The following BCAS3 variants were observed in gnomAD, a reference collection of about 807,000 sequenced individuals.
BCAS3 encodes the protein BCAS4/BCAS3 fusion.
In BCAS3, 53 loss-of-function variants were observed where a neutral mutation model predicts 116.1. The observed-to-expected ratio is 0.46, with a 90% CI of 0.37 to 0.57. The LOEUF (loss-of-function observed/expected upper bound fraction) is 0.57, where lower values mean the gene tolerates loss of function less well. Ranked by LOEUF, BCAS3 falls within the 20% of genes least tolerant of loss-of-function variation. The pLI is 0.00. For missense variants in BCAS3, 917 were observed against 1,165.4 expected (o/e 0.79, Z 3.10); for synonymous variants, 391 against 408.2 (o/e 0.96, Z 0.51).
In BCAS3 at chr17:60,882,159, T is replaced by A. The variant is rs560715327; in HGVS notation, c.661+7421T>A. Among the ~76,000 whole-genome samples the A allele has an allele frequency of 3.9e-5, 6 of 152,274 alleles. No individual in the cohort carries two copies. The South Asian group carries it at 1.2e-3, about 32-fold the overall frequency. On this transcript the variant is annotated intron_variant, in intron 9 of 23. Coordinates refer to ENST00000407086, the MANE Select transcript of BCAS3 (RefSeq NM_017679.5). Reference sequence around the variant, plus strand: ...TAACTGGTGTGAGATGGTATCTCATTGTGGTTTTAATTTGCATTTCTCTGA... The same window carrying A: ...TAACTGGTGTGAGATGGTATCTCATAGTGGTTTTAATTTGCATTTCTCTGA...
chr17:60,972,625 T>A (rs1043751458), intron 14 of BCAS3, among the ~76,000 whole-genome samples: 1 of 151,990 alleles, frequency 6.6e-6, no homozygotes, highest in Admixed American at 6.6e-5. Flanking sequence ...CTAATTTTTA[T>A]AAAAATTTTT....
chr17:61,022,269 A>G (rs967471068), intron 16 of BCAS3, among the ~76,000 whole-genome samples: 33 of 151,876 alleles, frequency 2.2e-4, no homozygotes, highest in African/African-American at 7.3e-4. Context: ...TTTGTTTTTG[A>G]TATGGAGTCT....
At chr17:61,044,465 A>AAAAAAAAAAAATATAT in intron 19 of BCAS3, among the ~76,000 whole-genome samples, 7 of 120,118 alleles carry the variant, frequency 5.8e-5, no homozygotes, top group African/African-American at 3.5e-4. Flanking sequence ...AAAAAAAAAA[A>AAAAAAAAAAAATATAT]ATATATATAT....
Position 61,242,614 on chromosome 17 carries a change from A to G in BCAS3, c.2426-125713A>G, listed in dbSNP as rs970530953. Among the ~76,000 whole-genome samples the G allele has an allele frequency of 3.9e-5, 6 of 152,204 alleles. No individual in the cohort carries two copies. In the South Asian group the frequency reaches 1.2e-3, roughly 32 times the overall value. On this transcript the variant is annotated intron_variant, in intron 22 of 23. Transcript: ENST00000407086. ...AAGCTATGGCAGAACCTGTGGTTAA[A>G]ATCTCATAAGATTCAAAGAGTCTGG...
rs565938312 is a variant in BCAS3, at chr17:61,288,452, A to G, written c.2426-79875A>G. On this transcript the variant is annotated intron_variant, in intron 22 of 23. Transcript: ENST00000407086. ...AGTACAAGGGCTTTGTCCCAGAGCC[A>G]TCTCTGCTATAGATTGTCCTAGCTT... 9.2e-5 allele frequency among the ~76,000 whole-genome samples: 14 copies of G among 152,320 alleles called. No homozygotes were observed. In the South Asian group the frequency reaches 2.7e-3, roughly 29 times the overall value.
intron 22 of BCAS3, among the ~76,000 whole-genome samples, chr17:61,216,884 C>T (rs1342816406): frequency 6.6e-6 from 1 of 151,912 alleles, no homozygotes; most frequent in African/African-American, 2.4e-5. Flanking sequence ...TTCAAATAGA[C>T]TATTAAAATG....
chr17:61,298,105 T>G (rs2053097877), intron 22 of BCAS3, among the ~76,000 whole-genome samples: 1 of 152,186 alleles, frequency 6.6e-6, no homozygotes, highest in Non-Finnish European at 1.5e-5. Flanking sequence ...AGAGTCACTT[T>G]CAGCATGATC....
intron 2 of BCAS3, among the ~76,000 whole-genome samples, chr17:60,679,767 G>A (rs1477810424): frequency 6.6e-6 from 1 of 152,178 alleles, no homozygotes; most frequent in East Asian, 1.9e-4. Context: ...AAATCCTGAA[G>A]AGCAGTGTTT....
At chr17:60,813,196 A>AC (rs2048997768) in intron 7 of BCAS3, among the ~76,000 whole-genome samples, 1 of 152,132 alleles carries the variant, frequency 6.6e-6, no homozygotes, top group Admixed American at 6.6e-5. Flanking sequence ...CTATACATAC[A>AC]CAGGCATATT....
At position 61,156,185 on chromosome 17, in the gene BCAS3, A is replaced by G. The variant is rs925275878; in HGVS notation, c.2425+71621A>G. Among the ~76,000 whole-genome samples the G allele has an allele frequency of 2.0e-5, 3 of 150,568 alleles. No homozygotes were observed. The highest frequency in any genetic ancestry group is 6.6e-5 in the Admixed American group (1 of 15,126). ...GCCAGACACATTAAAAAAAAAAAAA[A>G]GAAAAGTAAAATCTGAGTTGTTACT... On this transcript the variant is annotated intron_variant, in intron 22 of 23. Transcript: ENST00000407086. This position sits in a 1 kb window ranked among gnomAD's most constrained non-coding sequence, Gnocchi z 4.7.
At chr17:61,247,369 T>A (rs894605504) in intron 22 of BCAS3, among the ~76,000 whole-genome samples, 1 of 152,154 alleles carries the variant, frequency 6.6e-6, no homozygotes, top group Non-Finnish European at 1.5e-5. Context: ...AGGTCACTTA[T>A]CAAAAATATA....
rs1289064902 is a variant in BCAS3 at position 61,302,917 on chromosome 17, A to C, written c.2426-65410A>C. On this transcript the variant is annotated intron_variant, in intron 22 of 23. Transcript: ENST00000407086. The surrounding 1 kb of genome is among the most constrained non-coding windows in gnomAD (Gnocchi z 4.4). ...CGGGCTTTGAGAGAGAAGACCATCT[A>C]TCTCTAAGGTCCCTTCCAGTGCCAT... is the stretch of plus-strand genomic sequence containing the variant. Among the ~76,000 whole-genome samples, 20 of 152,156 alleles carry C rather than the reference A, an allele frequency of 1.3e-4. No homozygotes were observed. The highest frequency in any genetic ancestry group is 1.3e-3 in the Admixed American group (20 of 15,272).
At chr17:60,862,113 C>T (rs1484213212) in intron 7 of BCAS3, among the ~76,000 whole-genome samples, 1 of 152,056 alleles carries the variant, frequency 6.6e-6, no homozygotes, top group Admixed American at 6.5e-5. Flanking sequence ...GAAACCTCGT[C>T]TCTACTAAAA....
At chr17:61,311,984 C>G (rs1699582529) in intron 22 of BCAS3, among the ~76,000 whole-genome samples, 4 of 152,194 alleles carry the variant, frequency 2.6e-5, no homozygotes, top group Non-Finnish European at 5.9e-5. Context: ...GTAAGTAGGT[C>G]ATGCCACATC....
At chr17:61,280,764 T>C (rs1302021969) in intron 22 of BCAS3, among the ~76,000 whole-genome samples, 1 of 152,118 alleles carries the variant, frequency 6.6e-6, no homozygotes, top group Non-Finnish European at 1.5e-5. Context: ...GATTAGTGCT[T>C]AAAGTGGGCA....
rs187736996 is a variant in BCAS3, at chr17:61,198,093, A to T, written c.2425+113529A>T. On this transcript the variant is annotated intron_variant, in intron 22 of 23. Coordinates refer to ENST00000407086, the MANE Select transcript of BCAS3 (RefSeq NM_017679.5). This position sits in a 1 kb window ranked among gnomAD's most constrained non-coding sequence, Gnocchi z 5.0. ...TCTGGCACATATGAGTACTTAGTGGATGTTTGCTGATATGCGATTAAGATA... is the reference window on the plus strand; with the variant it reads ...TCTGGCACATATGAGTACTTAGTGGTTGTTTGCTGATATGCGATTAAGATA... 2.0e-4 allele frequency among the ~76,000 whole-genome samples: 30 copies of T among 151,306 alleles called. 1 individual carries two copies. Among genetic ancestry groups the T allele is most frequent in the African/African-American group, 7.3e-4 (30 of 41,158 alleles).
intron 10 of BCAS3, among the ~76,000 whole-genome samples, chr17:60,896,342 A>G (rs2057509615): frequency 6.6e-6 from 1 of 152,334 alleles, no homozygotes; most frequent in South Asian, 2.1e-4. Flanking sequence ...AATAAAGTCC[A>G]GTTTAAATCC....
chr17:60,760,440 T>C (rs1598511317), intron 6 of BCAS3, among the ~76,000 whole-genome samples: 1 of 152,156 alleles, frequency 6.6e-6, no homozygotes, highest in East Asian at 1.9e-4. Flanking sequence ...TTATTTCTCC[T>C]TCATTCATGA....
At chr17:61,169,253 A>C (rs7224499) in intron 22 of BCAS3, among the ~76,000 whole-genome samples, 3,530 of 152,306 alleles carry the variant, frequency 0.023, 147 homozygotes, top group African/African-American at 0.081. Flanking sequence ...ATGATGTTTA[A>C]TATATTCCAC....
Sources: allele counts gnomAD v4.1 joint callset (sites outside exome capture counted in the v4.1 genomes callset), GRCh38; gene constraint gnomAD v4.1.1; non-coding constraint Gnocchi (gnomAD v3.1); transcripts MANE v1.5; gene names NCBI Gene and HGNC (gene_info 2026-07-23, HGNC 2026-07-21).